The following RHOJ variants were observed in gnomAD, a reference collection of about 807,000 sequenced individuals.
RHOJ encodes rho-related GTP-binding protein RhoJ.
RHOJ carries 11 observed loss-of-function variants against 23.4 expected under a neutral mutation model. That is an observed-to-expected ratio of 0.47 (90% CI 0.30 to 0.78). RHOJ has a LOEUF of 0.78. Among genes scored for constraint, RHOJ ranks in the 30% least tolerant of loss-of-function variants. RHOJ has a pLI of 0.08. For synonymous variants in RHOJ, 102 were observed against 102.7 expected, an observed-to-expected ratio of 0.99 and a Z score of 0.04; for missense variants, 254 against 273.4, an observed-to-expected ratio of 0.93 and a Z score of 0.50.
At chr14:63,271,650 A>G (rs1174408798) in intron 2 of RHOJ, among the ~76,000 whole-genome samples, 2 of 152,214 alleles carry the variant, frequency 1.3e-5, no homozygotes, top group African/African-American at 4.8e-5. Flanking sequence ...GCTAGAGCGC[A>G]GTGGCGCAAT....
chr14:63,279,056 G>A (rs868387769), intron 2 of RHOJ, among the ~76,000 whole-genome samples: 17 of 152,188 alleles, frequency 1.1e-4, no homozygotes, highest in African/African-American at 3.9e-4. Context: ...TCTGGGGAGA[G>A]GAAATACTAT....
At chr14:63,262,507 C>G (rs1028090694) in intron 1 of RHOJ, among the ~76,000 whole-genome samples, 1 of 152,232 alleles carries the variant, frequency 6.6e-6, no homozygotes, top group Non-Finnish European at 1.5e-5. Context: ...ATTGAGAGAA[C>G]CCTCTGAGCC....
At chr14:63,239,511 TCTC>T (rs1403828884) in intron 1 of RHOJ, among the ~76,000 whole-genome samples, 1 of 152,190 alleles carries the variant, frequency 6.6e-6, no homozygotes, top group African/African-American at 2.4e-5. Flanking sequence ...TTTCTGTAAT[TCTC>T]CTGTCATTCT....
chr14:63,267,038 C>T (rs1022417081), intron 1 of RHOJ, among the ~76,000 whole-genome samples: 2 of 152,212 alleles, frequency 1.3e-5, no homozygotes, highest in African/African-American at 4.8e-5. Flanking sequence ...CAGGAAACCA[C>T]TTGTCTCCAT....
At chr14:63,252,217 G>T (rs533754231) in intron 1 of RHOJ, among the ~76,000 whole-genome samples, 31 of 152,254 alleles carry the variant, frequency 2.0e-4, no homozygotes, top group Admixed American at 1.6e-3. Context: ...GAGGCTGCCT[G>T]GCTCATGAGC....
At chr14:63,266,879 T>C (rs966098830) in intron 1 of RHOJ, among the ~76,000 whole-genome samples, 5 of 152,186 alleles carry the variant, frequency 3.3e-5, no homozygotes, top group African/African-American at 9.7e-5. Context: ...TCTTTTCATA[T>C]TTTGCTCAGA....
chr14:63,283,046 C>G, intron 3 of RHOJ, 75 bp from the exon 4 acceptor site: 2 of 1,198,554 alleles, frequency 1.7e-6, no homozygotes, highest in Non-Finnish European at 2.5e-6. Flanking sequence ...GAAAAAGACT[C>G]TATGATGTCA....
At chr14:63,274,998 G>A (rs1323726318) in intron 2 of RHOJ, among the ~76,000 whole-genome samples, 1 of 152,224 alleles carries the variant, frequency 6.6e-6, no homozygotes, top group Admixed American at 6.5e-5. Context: ...GGAGCTCAGC[G>A]CCTCTCTTTG....
intron 1 of RHOJ, among the ~76,000 whole-genome samples, chr14:63,251,339 T>C (rs537886789): frequency 6.6e-6 from 1 of 152,346 alleles, no homozygotes; most frequent in African/African-American, 2.4e-5. Context: ...CTGAAGGACA[T>C]TGTAAGAAAT....
Position 63,205,353 on chromosome 14 carries a change from T to C in RHOJ, c.178+306T>C, listed in dbSNP as rs374796363. Among the ~76,000 whole-genome samples, 81 of 152,346 alleles carry C rather than the reference T, an allele frequency of 5.3e-4. 1 individual carries two copies. In the South Asian group the frequency reaches 0.015, roughly 28 times the overall value. ...TTTGCCTCAACATTCATTAAAGTTTTACTGTGAACATTTTTAAATGCAGTG... is the reference window on the plus strand; with the variant it reads ...TTTGCCTCAACATTCATTAAAGTTTCACTGTGAACATTTTTAAATGCAGTG... On this transcript the variant is annotated intron_variant, in intron 1 of 4. Transcript: ENST00000316754.
chr14:63,255,740 T>A (rs1895152370), intron 1 of RHOJ, among the ~76,000 whole-genome samples: 1 of 152,220 alleles, frequency 6.6e-6, no homozygotes, highest in African/African-American at 2.4e-5. Flanking sequence ...CACACATTTC[T>A]TGCAGCCTTA....
intron 1 of RHOJ, among the ~76,000 whole-genome samples, chr14:63,253,999 C>T (rs1439222958): frequency 6.6e-6 from 1 of 152,138 alleles, no homozygotes; most frequent in East Asian, 1.9e-4. Context: ...TGACAGTGTT[C>T]CCAGGCAGCA....
At chr14:63,226,988 G>T (rs553578640) in intron 1 of RHOJ, among the ~76,000 whole-genome samples, 105 of 152,192 alleles carry the variant, frequency 6.9e-4, no homozygotes, top group African/African-American at 2.4e-3. Flanking sequence ...TTTCATCCTT[G>T]TTGCCCAGGT....
chr14:63,291,147 C>T lies in RHOJ; in HGVS notation c.*123C>T, dbSNP rs1882238466. 1.7e-5 allele frequency: 19 copies of T among 1,134,214 alleles called. No homozygotes were observed. The highest frequency in any genetic ancestry group is 2.3e-5 in the Non-Finnish European group (18 of 768,232). The allele number at this position is 1,134,214 out of a possible 1,614,324, so 70.3% of individuals were successfully genotyped here. ...GAACTCCCTTTGCACGGAGGCTTGC[C>T]CCATCACCCTCTGAGCCCTCCCAAC... is the stretch of plus-strand genomic sequence containing the variant. On this transcript the variant is annotated 3_prime_UTR_variant, in exon 5 of 5. Transcript: ENST00000316754.
At chr14:63,215,379 T>A (rs1894332821) in intron 1 of RHOJ, among the ~76,000 whole-genome samples, 1 of 152,120 alleles carries the variant, frequency 6.6e-6, no homozygotes, top group African/African-American at 2.4e-5. Context: ...AACTGGTAAA[T>A]CAACTGAATC....
chr14:63,284,078 G>T (rs1881998411), intron 4 of RHOJ, among the ~76,000 whole-genome samples: 2 of 152,176 alleles, frequency 1.3e-5, no homozygotes, highest in African/African-American at 4.8e-5. Context: ...CTTTCTAAGT[G>T]ACTAACCTAG....
intron 1 of RHOJ, among the ~76,000 whole-genome samples, chr14:63,213,446 G>C (rs539186573): frequency 6.6e-6 from 1 of 152,142 alleles, no homozygotes; most frequent in Non-Finnish European, 1.5e-5. Flanking sequence ...CTGCATCCAT[G>C]TTGCTGCAAA....
chr14:63,271,799 T>C (rs1895475941), intron 2 of RHOJ, among the ~76,000 whole-genome samples: 1 of 152,146 alleles, frequency 6.6e-6, no homozygotes, highest in Non-Finnish European at 1.5e-5. Flanking sequence ...GGTTTCACCA[T>C]GTTGCCCAGG....
At chr14:63,251,040 A>C (rs1298878539) in intron 1 of RHOJ, among the ~76,000 whole-genome samples, 1 of 152,198 alleles carries the variant, frequency 6.6e-6, no homozygotes, top group African/African-American at 2.4e-5. Flanking sequence ...TCTCAAAAAT[A>C]AATAATTAAT....
Sources: allele counts gnomAD v4.1 joint callset (sites outside exome capture counted in the v4.1 genomes callset), GRCh38; gene constraint gnomAD v4.1.1; transcripts MANE v1.5; gene names NCBI Gene and HGNC (gene_info 2026-07-23, HGNC 2026-07-21).